The following WDPCP variants were observed in gnomAD, a reference collection of about 807,000 sequenced individuals.
The protein encoded by WDPCP is WD repeat-containing and planar cell polarity effector protein fritz homolog.
Under a neutral mutation model 93.1 loss-of-function variants are expected in WDPCP, and 71 were observed. That is an observed-to-expected ratio of 0.76 (90% confidence interval 0.63 to 0.93). The LOEUF (loss-of-function observed/expected upper bound fraction) is 0.93, where lower values mean the gene tolerates loss of function less well. Among genes scored for constraint, WDPCP ranks in the 40% least tolerant of loss-of-function variants. WDPCP has a pLI of 0.00. For synonymous variants in WDPCP, 315 were observed against 315.0 expected (o/e 1.00, Z 0.00); for missense variants, 844 against 887.4 (o/e 0.95, Z 0.62).
chr2:63,427,779 G>A (rs1696432635), intron 9 of WDPCP, among the ~76,000 whole-genome samples: 3 of 152,126 alleles, frequency 2.0e-5, no homozygotes, highest in South Asian at 4.1e-4. Flanking sequence ...AAAGATCAAT[G>A]AGACCAAAAG....
intron 13 of WDPCP, among the ~76,000 whole-genome samples, chr2:63,294,567 G>A (rs1437762340): frequency 3.5e-5 from 5 of 142,080 alleles, no homozygotes; most frequent in South Asian, 4.5e-4. Flanking sequence ...CAAGAATCCC[G>A]TATCTGGCAA....
chr2:63,770,719 T>C (rs919743627), intron 2 of WDPCP, among the ~76,000 whole-genome samples: 1 of 151,972 alleles, frequency 6.6e-6, no homozygotes, highest in Non-Finnish European at 1.5e-5. Context: ...AATAATAATA[T>C]GTTCGTTTTC....
chr2:63,194,424 T>C (rs1411941176), intron 14 of WDPCP, among the ~76,000 whole-genome samples: 1 of 152,206 alleles, frequency 6.6e-6, no homozygotes, highest in African/African-American at 2.4e-5. Flanking sequence ...AAAGTGTTGA[T>C]GTGATCTCTA....
upstream of WDPCP, chr2:63,588,717 G>T: frequency 2.0e-6 from 1 of 492,990 alleles, no homozygotes; most frequent in Non-Finnish European, 3.7e-6. Flanking sequence ...TTCCTCCTGA[G>T]CCCAAACCAT....
At chr2:63,218,030 C>G (rs537864087) in intron 14 of WDPCP, among the ~76,000 whole-genome samples, 1 of 152,204 alleles carries the variant, frequency 6.6e-6, no homozygotes, top group Non-Finnish European at 1.5e-5. Context: ...ATTTACTGAG[C>G]AGTTATACAG....
At chr2:63,485,013 T>G in intron 4 of WDPCP, 26 bp from the exon 5 acceptor site, 1 of 1,611,686 alleles carries the variant, frequency 6.2e-7, no homozygotes, top group Non-Finnish European at 8.5e-7. Flanking sequence ...TGTACTACAG[T>G]TAGTTAAACA....
intron 3 of WDPCP, among the ~76,000 whole-genome samples, chr2:63,630,118 G>C (rs1208721211): frequency 6.6e-6 from 1 of 151,800 alleles, no homozygotes; most frequent in Non-Finnish European, 1.5e-5. Context: ...CAGCAACCAT[G>C]AAAAAATTAT....
At chr2:63,537,985 C>G (rs1704425482) in intron 1 of WDPCP, among the ~76,000 whole-genome samples, 1 of 152,068 alleles carries the variant, frequency 6.6e-6, no homozygotes, top group African/African-American at 2.4e-5. Flanking sequence ...GAGCATAAGT[C>G]CCGCATGGCA....
At chr2:63,128,937 G>A (rs1164777223) in intron 17 of WDPCP, among the ~76,000 whole-genome samples, 2 of 152,170 alleles carry the variant, frequency 1.3e-5, no homozygotes, top group Non-Finnish European at 2.9e-5. Flanking sequence ...GAAAGTGCTG[G>A]GATTACAGGC....
At chr2:63,487,654 G>A (rs749980452) in intron 2 of WDPCP, among the ~76,000 whole-genome samples, 160 bp from the exon 3 acceptor site, 3 of 152,118 alleles carry the variant, frequency 2.0e-5, no homozygotes, top group African/African-American at 4.8e-5. Context: ...AGATGAGTTC[G>A]TCTATTCTAG....
intron 14 of WDPCP, among the ~76,000 whole-genome samples, chr2:63,203,190 A>C (rs1369448449): frequency 6.6e-6 from 1 of 152,106 alleles, no homozygotes; most frequent in Non-Finnish European, 1.5e-5. Flanking sequence ...TTGTGGGTAC[A>C]TAGTAGGTAT....
At chr2:63,135,523 C>T (rs752793134) in intron 17 of WDPCP, among the ~76,000 whole-genome samples, 14 of 151,790 alleles carry the variant, frequency 9.2e-5, no homozygotes, top group Non-Finnish European at 1.8e-4. Flanking sequence ...GGAGAGACAG[C>T]GTTTCACCAT....
chr2:63,211,203 G>A (rs192247174), intron 14 of WDPCP, among the ~76,000 whole-genome samples: 107 of 152,326 alleles, frequency 7.0e-4, no homozygotes, highest in African/African-American at 2.5e-3. Context: ...GGGAGGCATC[G>A]CTGAGTAGGG....
At chr2:63,599,085 G>A (rs1478390677) in intron 3 of WDPCP, 16 of 1,418,522 alleles carry the variant, frequency 1.1e-5, no homozygotes, top group Admixed American at 5.9e-5. Context: ...AAGGCTACCT[G>A]TTAGACATTT....
chr2:63,702,045 G>A (rs1222915052), intron 2 of WDPCP, among the ~76,000 whole-genome samples: 1 of 151,700 alleles, frequency 6.6e-6, no homozygotes, highest in East Asian at 1.9e-4. Flanking sequence ...TTTTTCTTGA[G>A]ATGGAGTTTC....
intron 12 of WDPCP, among the ~76,000 whole-genome samples, chr2:63,347,273 G>A (rs1244583972): frequency 6.6e-6 from 1 of 152,132 alleles, no homozygotes; most frequent in Non-Finnish European, 1.5e-5. Flanking sequence ...TGAAACACAA[G>A]ACACCTAGTT....
chr2:63,178,158 C>G (rs542051680), intron 14 of WDPCP, among the ~76,000 whole-genome samples: 9 of 152,272 alleles, frequency 5.9e-5, no homozygotes, highest in Non-Finnish European at 1.3e-4. Context: ...CAATATCTAT[C>G]AAGAACGTTG....
intron 13 of WDPCP, among the ~76,000 whole-genome samples, chr2:63,275,278 A>G (rs1682995352): frequency 1.3e-5 from 2 of 152,196 alleles, no homozygotes; most frequent in African/African-American, 4.8e-5. Flanking sequence ...TAGGCAAAAA[A>G]GGAACCTACC....
intron 14 of WDPCP, among the ~76,000 whole-genome samples, chr2:63,210,606 G>A (rs1330866841): frequency 6.6e-6 from 1 of 152,116 alleles, no homozygotes; most frequent in Non-Finnish European, 1.5e-5. Flanking sequence ...CAGACAGTGG[G>A]TGCAGGACAG....
Sources: allele counts gnomAD v4.1 joint callset (sites outside exome capture counted in the v4.1 genomes callset), GRCh38; gene constraint gnomAD v4.1.1; transcripts MANE v1.5; gene names NCBI Gene and HGNC (gene_info 2026-07-23, HGNC 2026-07-21).